The following RBFOX1 variants were observed in gnomAD, a reference collection of about 807,000 sequenced individuals.
RBFOX1 encodes the protein RNA binding fox-1 homolog 1, also known as RNA binding protein fox-1 homolog 1.
In RBFOX1, 8 loss-of-function variants were observed where a neutral mutation model predicts 57.7. The ratio of observed to expected loss-of-function variants is 0.14; its 90% CI spans 0.08 to 0.25. The LOEUF is 0.25. Ranked by LOEUF, RBFOX1 falls within the 10% of genes least tolerant of loss-of-function variation. The probability of loss-of-function intolerance (pLI) is 1.00; values close to 1 mark genes in which losing one functional copy is unlikely to be tolerated. For synonymous variants in RBFOX1, 326 were observed against 222.4 expected (o/e 1.47, Z -4.15); for missense variants, 611 against 548.5 (o/e 1.11, Z -1.14).
intron 3 of RBFOX1, among the ~76,000 whole-genome samples, chr16:5,737,695 T>A (rs2052628279): frequency 1.3e-5 from 2 of 152,062 alleles, no homozygotes; most frequent in Admixed American, 6.5e-5. Flanking sequence ...AAACAACCCC[T>A]TCTACAGAGC....
chr16:5,343,370 A>G (rs955103466), intron 1 of RBFOX1, among the ~76,000 whole-genome samples: 7 of 143,196 alleles, frequency 4.9e-5, no homozygotes, highest in Non-Finnish European at 7.5e-5. Context: ...GCTGGAGTAC[A>G]GTGGCGTGAT....
chr16:6,224,757 A>C (rs911168417), intron 1 of RBFOX1, among the ~76,000 whole-genome samples: 2 of 152,136 alleles, frequency 1.3e-5, no homozygotes, highest in Non-Finnish European at 2.9e-5. Context: ...GCGGTGGCTC[A>C]CGCCCATAAT....
chr16:6,441,438 C>T (rs974261), intron 2 of RBFOX1, among the ~76,000 whole-genome samples: 1,583 of 151,552 alleles, frequency 0.01, 35 homozygotes, highest in African/African-American at 0.037. Context: ...TTTTTTGAGA[C>T]GGAGTTTTGC....
intron 2 of RBFOX1, among the ~76,000 whole-genome samples, chr16:6,624,890 C>T (rs968563754): frequency 3.3e-5 from 5 of 152,100 alleles, no homozygotes; most frequent in African/African-American, 4.8e-5. Context: ...GGGCTGGACG[C>T]GGTTGCTCAC....
intron 2 of RBFOX1, among the ~76,000 whole-genome samples, chr16:6,490,327 A>G (rs1023050573): frequency 7.9e-5 from 12 of 152,252 alleles, no homozygotes; most frequent in African/African-American, 2.4e-4. Flanking sequence ...GAGAGCGTCA[A>G]TGAACTTCAG....
intron 14 of RBFOX1, among the ~76,000 whole-genome samples, chr16:7,688,555 T>C (rs1044360272): frequency 1.3e-5 from 2 of 152,032 alleles, no homozygotes; most frequent in African/African-American, 4.8e-5. Flanking sequence ...AATTTAACTC[T>C]GAGAATTCAG....
intron 3 of RBFOX1, among the ~76,000 whole-genome samples, chr16:6,835,474 C>T (rs942780953): frequency 5.3e-5 from 8 of 151,810 alleles, no homozygotes; most frequent in Non-Finnish European, 8.8e-5. Context: ...TCTTCTTGGC[C>T]GGGTGTGGTG....
chr16:5,574,674 G>A (rs770075068), intron 2 of RBFOX1, among the ~76,000 whole-genome samples: 2 of 151,880 alleles, frequency 1.3e-5, no homozygotes, highest in South Asian at 2.1e-4. Context: ...CAAGTGATCC[G>A]CCCACCTCGG....
chr16:5,322,536 CA>C (rs1302723531), intron 1 of RBFOX1, among the ~76,000 whole-genome samples: 4 of 152,146 alleles, frequency 2.6e-5, no homozygotes, highest in Non-Finnish European at 5.9e-5. Context: ...AATCCTCCGG[CA>C]AGACTAGGTC....
intron 3 of RBFOX1, among the ~76,000 whole-genome samples, chr16:7,029,602 T>G (rs966089155): frequency 6.6e-6 from 1 of 152,114 alleles, no homozygotes; most frequent in Non-Finnish European, 1.5e-5. Context: ...TCATTAAGTA[T>G]CATTGACAAT....
At chr16:7,252,174 A>G (rs760936461) in intron 4 of RBFOX1, among the ~76,000 whole-genome samples, 12 of 152,224 alleles carry the variant, frequency 7.9e-5, no homozygotes, top group Admixed American at 1.3e-4. Context: ...TTCTTACATC[A>G]TCAAAAAGGA....
intron 2 of RBFOX1, among the ~76,000 whole-genome samples, chr16:5,549,261 C>G (rs74334670): frequency 6.6e-6 from 1 of 152,142 alleles, no homozygotes; most frequent in Non-Finnish European, 1.5e-5. Flanking sequence ...TCCTTCTGGT[C>G]TGCAGATACT....
chr16:6,285,757 G>A (rs770794954), intron 1 of RBFOX1, among the ~76,000 whole-genome samples: 3 of 152,134 alleles, frequency 2.0e-5, no homozygotes, highest in Non-Finnish European at 2.9e-5. Context: ...AGATTGGATT[G>A]TAGGTAGACT....
chr16:5,811,324 G>GGGTTTCCCT (rs1318789735), intron 3 of RBFOX1, among the ~76,000 whole-genome samples: 24 of 151,722 alleles, frequency 1.6e-4, no homozygotes, highest in African/African-American at 5.8e-4. Context: ...AGTAGAGACG[G>GGGTTTCCCT]GGTTTCCCTG....
At chr16:6,159,195 G>A (rs2096859766) in intron 1 of RBFOX1, among the ~76,000 whole-genome samples, 1 of 152,118 alleles carries the variant, frequency 6.6e-6, no homozygotes, top group Non-Finnish European at 1.5e-5. Flanking sequence ...TCCTGCCTCG[G>A]CCTCCCGAGT....
intron 2 of RBFOX1, among the ~76,000 whole-genome samples, chr16:5,535,164 A>G (rs534398736): frequency 6.6e-6 from 1 of 152,268 alleles, no homozygotes; most frequent in South Asian, 2.1e-4. Flanking sequence ...ATTAACTAAA[A>G]CTGAACATCT....
chr16:6,716,942 A>G (rs1430415973), intron 3 of RBFOX1, among the ~76,000 whole-genome samples: 1 of 152,200 alleles, frequency 6.6e-6, no homozygotes, highest in African/African-American at 2.4e-5. Context: ...GAAGGCCATT[A>G]TATCACTAGA....
chr16:7,651,495 A>G (rs2065052913), intron 11 of RBFOX1, among the ~76,000 whole-genome samples: 1 of 151,970 alleles, frequency 6.6e-6, no homozygotes, highest in Non-Finnish European at 1.5e-5. Context: ...TTTTCCTTCC[A>G]ATTCTTTTGC....
chr16:5,249,756 C>G (rs188335599), intron 1 of RBFOX1, among the ~76,000 whole-genome samples: 18 of 152,314 alleles, frequency 1.2e-4, no homozygotes, highest in Non-Finnish European at 2.6e-4. Context: ...GCCAGGAATT[C>G]GAGACCAGCT....
Sources: gnomAD v4.1 joint callset for allele counts (sites outside exome capture counted in the v4.1 genomes callset) on GRCh38, gnomAD v4.1.1 for gene constraint, MANE v1.5 for transcripts, NCBI Gene and HGNC (gene_info 2026-07-23, HGNC 2026-07-21) for gene names.